ZHX2: variants seen among roughly 807,000 people sequenced by gnomAD.
The protein encoded by ZHX2 is zinc fingers and homeoboxes protein 2.
A neutral mutation model predicts 21.9 loss-of-function variants in ZHX2; 6 were observed. The observed-to-expected ratio is 0.27, with a 90% CI of 0.15 to 0.54. The LOEUF (loss-of-function observed/expected upper bound fraction) is 0.54, where lower values mean the gene tolerates loss of function less well. Ranked by LOEUF, ZHX2 falls within the 20% of genes least tolerant of loss-of-function variation. The pLI is 0.95. For synonymous variants in ZHX2, 434 were observed against 437.1 expected (o/e 0.99, Z 0.09); for missense variants, 908 against 1,090.7 (o/e 0.83, Z 2.36).
At position 122,828,575 on chromosome 8, in the gene ZHX2, C is replaced by T. The variant is rs1235316840; in HGVS notation, c.-282-34902C>T. Among the ~76,000 whole-genome samples the T allele has an allele frequency of 2.6e-5, 4 of 152,218 alleles. No homozygotes were observed. In the East Asian group the frequency reaches 7.7e-4, roughly 29 times the overall value. The stretch of plus-strand genomic sequence containing the variant: ...TGTCCTTGTGACATACCTTGTTGAC[C>T]AGAGAGCTCCTCATGCTCTGTGTAA... On this transcript the variant is annotated intron_variant, in intron 1 of 3. Coordinates refer to ENST00000314393, the MANE Select transcript of ZHX2 (RefSeq NM_014943.5). The surrounding 1 kb of genome is among the most constrained non-coding windows in gnomAD (Gnocchi z 5.2).
chr8:122,896,225 C>T (rs1820097291), intron 2 of ZHX2, among the ~76,000 whole-genome samples: 1 of 143,046 alleles, frequency 7.0e-6, no homozygotes, highest in Non-Finnish European at 1.5e-5. Flanking sequence ...TACTAGGACT[C>T]TTTTTTTTTT....
Position 122,830,866 on chromosome 8 carries a change from A to G in ZHX2, c.-282-32611A>G, listed in dbSNP as rs527264398. 3.7e-4 allele frequency among the ~76,000 whole-genome samples: 57 copies of G among 152,336 alleles called. 1 individual carries two copies. Among genetic ancestry groups the G allele is most frequent in the African/African-American group, 1.3e-3 (56 of 41,582 alleles). ...TGGTGTTGCACAGTTTCATGAGGGCAAAAGGGAGATGTTTTGTCCACAACT... is the reference window on the plus strand; with the variant it reads ...TGGTGTTGCACAGTTTCATGAGGGCGAAAGGGAGATGTTTTGTCCACAACT... On this transcript the variant is annotated intron_variant, in intron 1 of 3. Transcript: ENST00000314393.
At chr8:122,815,899 G>A (rs1271274299) in intron 1 of ZHX2, 9 of 152,120 alleles carry the variant, frequency 5.9e-5, no homozygotes, top group Admixed American at 5.9e-4. Flanking sequence ...GACCAGCCTG[G>A]TGAAACCTCG....
intron 2 of ZHX2, among the ~76,000 whole-genome samples, chr8:122,944,866 GTAATTAAGGTAAT>G (rs1812931604): frequency 6.6e-6 from 1 of 152,142 alleles, no homozygotes; most frequent in Admixed American, 6.5e-5. Context: ...TTGGAGATAG[GTAATTAAGGTAAT>G]TAATTACCCT....
At chr8:122,894,008 G>C (rs1263622211) in intron 2 of ZHX2, among the ~76,000 whole-genome samples, 1 of 152,208 alleles carries the variant, frequency 6.6e-6, no homozygotes. Context: ...GCGTTGGCTG[G>C]GTAGGTGCTT....
At chr8:122,795,018 C>T (rs1817591862) in intron 1 of ZHX2, among the ~76,000 whole-genome samples, 1 of 152,198 alleles carries the variant, frequency 6.6e-6, no homozygotes, top group Non-Finnish European at 1.5e-5. Flanking sequence ...CTTCTCCACC[C>T]CAAGGGAAAT....
intron 2 of ZHX2, among the ~76,000 whole-genome samples, chr8:122,913,044 T>C (rs2130022913): frequency 6.6e-6 from 1 of 152,352 alleles, no homozygotes; most frequent in East Asian, 1.9e-4. Context: ...CCCTCCAAAC[T>C]GCCCTGCCTC....
chr8:122,913,061 G>A (rs1222538560), intron 2 of ZHX2, among the ~76,000 whole-genome samples: 1 of 152,176 alleles, frequency 6.6e-6, no homozygotes, highest in Non-Finnish European at 1.5e-5. Flanking sequence ...CCTCCAGTCA[G>A]CTCTAGGCGA....
intron 1 of ZHX2, among the ~76,000 whole-genome samples, chr8:122,842,887 T>C (rs1276827966): frequency 6.6e-6 from 1 of 152,240 alleles, no homozygotes; most frequent in African/African-American, 2.4e-5. Context: ...CTGAATCACC[T>C]GGGAGCATGT....
At chr8:122,839,754 A>G (rs1315666652) in intron 1 of ZHX2, among the ~76,000 whole-genome samples, 1 of 152,176 alleles carries the variant, frequency 6.6e-6, no homozygotes, top group African/African-American at 2.4e-5. Context: ...TTCGGGCTGC[A>G]ATTGGATAAC....
chr8:122,834,475 A>G (rs1039695195), intron 1 of ZHX2, among the ~76,000 whole-genome samples: 1 of 152,192 alleles, frequency 6.6e-6, no homozygotes, highest in African/African-American at 2.4e-5. Context: ...GTGGAGGTGG[A>G]TTGCTAGGAG....
intron 2 of ZHX2, among the ~76,000 whole-genome samples, chr8:122,866,745 C>T (rs1385328189): frequency 6.6e-6 from 1 of 152,212 alleles, no homozygotes; most frequent in African/African-American, 2.4e-5. Flanking sequence ...CAGTGGATTA[C>T]TGATGTCTGC....
At chr8:122,887,562 C>T (rs1051547622) in intron 2 of ZHX2, among the ~76,000 whole-genome samples, 6 of 151,992 alleles carry the variant, frequency 3.9e-5, no homozygotes, top group African/African-American at 1.5e-4. Flanking sequence ...TACATATATA[C>T]AAGTGTATAT....
intron 3 of ZHX2, among the ~76,000 whole-genome samples, chr8:122,955,071 G>GT (rs1554589354): frequency 8.2e-6 from 1 of 121,820 alleles, no homozygotes; most frequent in Non-Finnish European, 1.6e-5. Flanking sequence ...ACATAAGCCG[G>GT]GGGGGGGGGG....
chr8:122,833,996 C>CAAA (rs71310629), intron 1 of ZHX2, among the ~76,000 whole-genome samples: 1 of 141,332 alleles, frequency 7.1e-6, no homozygotes. Flanking sequence ...GACTCCGTCT[C>CAAA]AAAAAAAAAA....
At chr8:122,919,096 T>C (rs1366250315) in intron 2 of ZHX2, among the ~76,000 whole-genome samples, 1 of 152,192 alleles carries the variant, frequency 6.6e-6, no homozygotes, top group Non-Finnish European at 1.5e-5. Flanking sequence ...GGCTCAGCGG[T>C]AGTCTCACTT....
intron 1 of ZHX2, among the ~76,000 whole-genome samples, chr8:122,798,774 G>A (rs909698312): frequency 3.7e-4 from 56 of 151,730 alleles, no homozygotes; most frequent in Non-Finnish European, 5.9e-4. Flanking sequence ...ACTCCAGCCT[G>A]GGGACAGAGC....
chr8:122,801,376 C>T (rs16897460), intron 1 of ZHX2, among the ~76,000 whole-genome samples: 9,488 of 152,092 alleles, frequency 0.062, 397 homozygotes, highest in African/African-American at 0.11. Flanking sequence ...ACTGTCCTCA[C>T]GAACAGGATT....
intron 1 of ZHX2, among the ~76,000 whole-genome samples, chr8:122,850,392 C>G (rs1045229848): frequency 4.6e-5 from 7 of 152,264 alleles, no homozygotes; most frequent in African/African-American, 1.7e-4. Flanking sequence ...AATCCCAGCA[C>G]TTTAGGAGGC....
Sources: gnomAD v4.1 joint callset for allele counts (sites outside exome capture counted in the v4.1 genomes callset) on GRCh38, gnomAD v4.1.1 for gene constraint, Gnocchi (gnomAD v3.1) non-coding constraint, MANE v1.5 for transcripts, NCBI Gene and HGNC (gene_info 2026-07-23, HGNC 2026-07-21) for gene names.